HPS1: variants seen among roughly 807,000 people sequenced by gnomAD.
The protein encoded by HPS1 is HPS1 biogenesis of lysosomal organelles complex 3 subunit 1, also known as BLOC-3 complex member HPS1.
A neutral mutation model predicts 90.6 loss-of-function variants in HPS1; 59 were observed. The ratio of observed to expected loss-of-function variants is 0.65; its 90% CI spans 0.53 to 0.81. The LOEUF is 0.81. Ranked by LOEUF, HPS1 falls within the 30% of genes least tolerant of loss-of-function variation. HPS1 has a pLI of 0.00. For missense variants in HPS1, 849 were observed against 896.7 expected (o/e 0.95, Z 0.68); for synonymous variants, 388 against 384.4 (o/e 1.01, Z -0.11).
chr10:98,431,097 C>T (rs375885218), intron 7 of HPS1, 34 bp downstream of exon 7: 2 of 1,611,860 alleles, frequency 1.2e-6, no homozygotes, highest in Admixed American at 3.3e-5. Context: ...GGCCAGGGAG[C>T]CTTTAGCCAC....
At position 98,435,273 on chromosome 10, in the gene HPS1, C is replaced by A. The variant is rs121908386; in HGVS notation, c.397G>T (p.Glu133Ter). ...VTVDGHLIRKELRPPDLAQRV... is the reference protein window; with the variant it reads ...VTVDGHLIRK ...AGGGGACCAGCTTTGAAGACTCACT[C>A]CTTTCGGATAAGATGACCGTCCACA... The change falls in exon 5 of 20, where the codon GAG becomes TAG. Residue 133 changes from glutamate to a stop codon, truncating the protein, a stop_gained and splice_region_variant. Coordinates refer to ENST00000361490, the MANE Select transcript of HPS1 (RefSeq NM_000195.5). LOFTEE classifies it high-confidence loss of function. The surrounding 1 kb of genome is among the most constrained non-coding windows in gnomAD (Gnocchi z 4.3). 1 of 1,614,062 alleles carries A rather than the reference C, an allele frequency of 6.2e-7. No homozygotes were observed. Among genetic ancestry groups the A allele is most frequent in the Non-Finnish European group, 8.5e-7 (1 of 1,180,036 alleles).
At chr10:98,421,335 C>T (rs2136112097) in intron 17 of HPS1, among the ~76,000 whole-genome samples, 1 of 152,210 alleles carries the variant, frequency 6.6e-6, no homozygotes, top group Non-Finnish European at 1.5e-5. Context: ...AGATGGGGAC[C>T]CAGATGTATG....
rs1479690813 is a variant in HPS1 at position 98,444,132 on chromosome 10, A to T, written c.1-892T>A. Among the ~76,000 whole-genome samples the T allele has an allele frequency of 2.0e-5, 3 of 152,140 alleles. No individual in the cohort carries two copies. In the East Asian group the frequency reaches 5.8e-4, roughly 29 times the overall value. On this transcript the variant is annotated intron_variant, in intron 2 of 19. Transcript: ENST00000361490. Reference sequence around the variant, plus strand: ...TTTACTTCAGCACCACAGAAGTTTCATTCAAATGCTGCTCTCCCTGTTCAT... The same window carrying T: ...TTTACTTCAGCACCACAGAAGTTTCTTTCAAATGCTGCTCTCCCTGTTCAT...
At chr10:98,428,214 T>C (rs1460869768) in intron 10 of HPS1, among the ~76,000 whole-genome samples, 1 of 152,208 alleles carries the variant, frequency 6.6e-6, no homozygotes. Context: ...GTCCTAGGCT[T>C]CTAGCCAGAC....
intron 19 of HPS1, 46 bp downstream of exon 19, chr10:98,418,128 AC>A (rs762188461): frequency 7.8e-7 from 1 of 1,286,344 alleles, no homozygotes; most frequent in Non-Finnish European, 1.1e-6. Context: ...AGCACTTATC[AC>A]CCAAATGGGG....
chr10:98,430,338 T>C (rs117044204), intron 8 of HPS1, among the ~76,000 whole-genome samples: 2,296 of 152,256 alleles, frequency 0.015, 20 homozygotes, highest in Non-Finnish European at 0.024. Flanking sequence ...AAGCTGGGTT[T>C]CGAACCATGG....
At chr10:98,430,272 G>A (rs1050013843) in intron 8 of HPS1, among the ~76,000 whole-genome samples, 14 of 152,156 alleles carry the variant, frequency 9.2e-5, no homozygotes, top group African/African-American at 3.4e-4. Flanking sequence ...GCACAGATAA[G>A]GGCACTGAGG....
intron 6 of HPS1, among the ~76,000 whole-genome samples, chr10:98,432,973 G>C (rs1846704603): frequency 6.6e-6 from 1 of 152,188 alleles, no homozygotes; most frequent in African/African-American, 2.4e-5. Flanking sequence ...TGTGGCTCAT[G>C]CCTGTAATCC....
intron 6 of HPS1, among the ~76,000 whole-genome samples, chr10:98,433,001 G>T (rs11599723): frequency 1.3e-5 from 2 of 152,052 alleles, no homozygotes; most frequent in Non-Finnish European, 2.9e-5. Context: ...TTGGGAGGCC[G>T]AGTGGGCAGA....
intron 3 of HPS1, among the ~76,000 whole-genome samples, chr10:98,441,400 A>G (rs1387194460): frequency 6.6e-6 from 1 of 152,234 alleles, no homozygotes; most frequent in African/African-American, 2.4e-5. Context: ...ATCAGACCTG[A>G]TATAAAACCT....
intron 7 of HPS1, among the ~76,000 whole-genome samples, 170 bp downstream of exon 7, chr10:98,430,961 C>G (rs77840073): frequency 5.9e-5 from 9 of 152,122 alleles, no homozygotes; most frequent in Non-Finnish European, 1.2e-4. Flanking sequence ...AGGAATGATA[C>G]AGAGAAATGG....
chr10:98,446,237 G>A (rs997909078), intron 1 of HPS1, among the ~76,000 whole-genome samples: 1 of 152,194 alleles, frequency 6.6e-6, no homozygotes, highest in Non-Finnish European at 1.5e-5. Context: ...TCACCCACAT[G>A]ATTGGCCCGA....
At chr10:98,422,016 G>A (rs1284417994) in intron 17 of HPS1, among the ~76,000 whole-genome samples, 12 of 119,296 alleles carry the variant, frequency 1.0e-4, no homozygotes, top group Admixed American at 2.5e-4. Context: ...ACACACACAC[G>A]TATAGTTTTT....
At chr10:98,415,468 C>T (rs1448389244), downstream of HPS1, among the ~76,000 whole-genome samples, 3 of 152,236 alleles carry the variant, frequency 2.0e-5, no homozygotes, top group Non-Finnish European at 2.9e-5. Flanking sequence ...CAGATGAGGG[C>T]GCTGAGGCTG....
chr10:98,435,515 G>C lies in HPS1; in HGVS notation c.256-101C>G. 6.2e-7 allele frequency: 1 copy of C among 1,608,764 alleles called. No individual in the cohort carries two copies. The highest frequency in any genetic ancestry group is 8.5e-7 in the Non-Finnish European group (1 of 1,175,574). ...CCAGGGGAGGCTCGGGTCCCAGGCG[G>C]GTTTGATAAGATGCCGTTTCTGCCT... On this transcript the variant is annotated intron_variant, in intron 4 of 19. Transcript: ENST00000361490. This position sits in a 1 kb window ranked among gnomAD's most constrained non-coding sequence, Gnocchi z 4.3.
chr10:98,423,289 C>G lies in HPS1; in HGVS notation c.1598+314G>C, dbSNP rs1040169926. 5.0e-4 allele frequency among the ~76,000 whole-genome samples: 76 copies of G among 151,326 alleles called. 2 individuals carry two copies. Among genetic ancestry groups the G allele is most frequent in the Non-Finnish European group, 4.4e-5 (3 of 67,908 alleles). On this transcript the variant is annotated intron_variant, in intron 16 of 19. Coordinates refer to ENST00000361490, the MANE Select transcript of HPS1 (RefSeq NM_000195.5). ...AACTAGACCACAGGAACCCCCCCCC[C>G]GGTCCCCACCCCTCGTGGAATACCT...
downstream of HPS1, chr10:98,415,326 G>A (rs1356027884): frequency 2.4e-5 from 17 of 712,774 alleles, no homozygotes; most frequent in Admixed American, 3.4e-5. Context: ...CTGGGCCGTC[G>A]GGAGTGTTGC....
downstream of HPS1, chr10:98,415,323 G>A (rs557149437): frequency 6.4e-5 from 48 of 750,856 alleles, no homozygotes; most frequent in Admixed American, 5.2e-4. Context: ...GTGCTGGGCC[G>A]TCGGGAGTGT....
At chr10:98,436,794 C>A (rs973903382) in intron 3 of HPS1, among the ~76,000 whole-genome samples, 3 of 152,216 alleles carry the variant, frequency 2.0e-5, no homozygotes, top group Non-Finnish European at 4.4e-5. Context: ...TAACTTGGAG[C>A]TGGGGAAGTC....
Sources: allele counts gnomAD v4.1 joint callset (sites outside exome capture counted in the v4.1 genomes callset), GRCh38; gene constraint gnomAD v4.1.1; non-coding constraint Gnocchi (gnomAD v3.1); transcripts MANE v1.5; gene names NCBI Gene and HGNC (gene_info 2026-07-23, HGNC 2026-07-21).